TRIM59: variants seen among roughly 807,000 people sequenced by gnomAD.
TRIM59 encodes tripartite motif-containing protein 59.
A neutral mutation model predicts 32.2 loss-of-function variants in TRIM59; 14 were observed. The ratio of observed to expected loss-of-function variants is 0.43; its 90% confidence interval spans 0.29 to 0.68. The LOEUF (loss-of-function observed/expected upper bound fraction) is 0.68. Among genes scored for constraint, TRIM59 ranks in the 30% least tolerant of loss-of-function variants. The probability of loss-of-function intolerance (pLI) is 0.15; values close to 1 mark genes in which losing one functional copy is unlikely to be tolerated. For missense variants in TRIM59, 471 were observed against 463.3 expected (o/e 1.02, Z -0.15); for synonymous variants, 163 against 155.1 (o/e 1.05, Z -0.38).
At chr3:160,440,147 AT>A (rs1719167387) in intron 2 of TRIM59, among the ~76,000 whole-genome samples, 1 of 152,336 alleles carries the variant, frequency 6.6e-6, no homozygotes, top group South Asian at 2.1e-4. Context: ...CAGGATCAGC[AT>A]AGTATAATTC....
chr3:160,435,901 A>AC lies in TRIM59; in HGVS notation c.*2070_*2071insG, dbSNP rs1560021791. On this transcript the variant is annotated 3_prime_UTR_variant, in exon 3 of 3. Coordinates refer to ENST00000309784, the MANE Select transcript of TRIM59 (RefSeq NM_173084.3). Reference sequence around the variant, plus strand: ...CTTGTCAGTTCCCTCATCTACAAAAAGGGGGTTAAAAATATTCACATCACA... The same window carrying AC: ...CTTGTCAGTTCCCTCATCTACAAAAACGGGGGTTAAAAATATTCACATCACA... 2.4e-6 allele frequency: 3 copies of AC among 1,249,146 alleles called. No individual in the cohort carries two copies. The highest frequency in any genetic ancestry group is 3.1e-6 in the Non-Finnish European group (3 of 955,732). The allele number at this position is 1,249,146 out of a possible 1,614,324, so 77.4% of individuals were successfully genotyped here.
In TRIM59 at chr3:160,437,859, T is replaced by C. The variant is rs1338479244; in HGVS notation, c.*113A>G. On this transcript the variant is annotated 3_prime_UTR_variant, in exon 3 of 3. Transcript: ENST00000309784. ...AAGAAGCAACAAATATAAACATTTGTTTATATTAGTTGCAGCACTAATAAA... is the reference window on the plus strand; with the variant it reads ...AAGAAGCAACAAATATAAACATTTGCTTATATTAGTTGCAGCACTAATAAA... 7.5e-7 allele frequency: 1 copy of C among 1,333,918 alleles called. No individual in the cohort carries two copies. Among genetic ancestry groups the C allele is most frequent in the Non-Finnish European group, 9.6e-7 (1 of 1,041,254 alleles). 82.6% of individuals were successfully genotyped at this position (1,333,918 alleles called of 1,614,324 possible). A position where few individuals can be genotyped will look rare whatever the true frequency, so the allele number is the denominator to read the frequency against.
chr3:160,443,701 G>A (rs893170740), intron 2 of TRIM59, among the ~76,000 whole-genome samples: 1 of 151,870 alleles, frequency 6.6e-6, no homozygotes, highest in African/African-American at 2.4e-5. Flanking sequence ...TGCAGTGGCC[G>A]CTATCTCCTC....
Position 160,438,840 on chromosome 3 carries a change from A to G in TRIM59, c.344T>C (p.Leu115Ser). 6.2e-7 allele frequency: 1 copy of G among 1,614,022 alleles called. No homozygotes were observed. Among genetic ancestry groups the G allele is most frequent in the African/African-American group, 1.3e-5 (1 of 75,036 alleles). The change falls in exon 3 of 3, where the codon TTA becomes TCA. Residue 115 changes from leucine (L) to serine (S), a missense_variant. Leu to Ser is a moderately radical substitution (Grantham distance 145). Transcript: ENST00000309784. Reference sequence around the variant, plus strand: ...TATGGTAAGGCAATGACCACAAACTAATTTTTTATCTAATAGACAGTAAAC... The same window carrying G: ...TATGGTAAGGCAATGACCACAAACTGATTTTTTATCTAATAGACAGTAAAC... ...LNVYCLLDKK[L>S]VCGHCLTIGQ...
intron 2 of TRIM59, among the ~76,000 whole-genome samples, chr3:160,446,219 C>A (rs1719522183): frequency 1.3e-5 from 2 of 152,188 alleles, no homozygotes; most frequent in Admixed American, 1.3e-4. Flanking sequence ...GAAATCTCCT[C>A]TCCCTTGAGT....
Position 160,441,019 on chromosome 3 carries a change from GTAAC to G in TRIM59, c.-3-1837_-3-1834del, listed in dbSNP as rs1405418798. ...AAATCTGTGAAAACAGCAACTAAAAGTAACTAACTGCATTTTTAATAAAATGCAA... is the reference window on the plus strand; with the variant it reads ...AAATCTGTGAAAACAGCAACTAAAAGTAACTGCATTTTTAATAAAATGCAA... On this transcript the variant is annotated intron_variant, in intron 2 of 2. Transcript: ENST00000309784. Among the ~76,000 whole-genome samples the G allele has an allele frequency of 7.9e-5, 12 of 152,300 alleles. No homozygotes were observed. The South Asian group carries it at 1.9e-3, about 24-fold the overall frequency.
intron 2 of TRIM59, among the ~76,000 whole-genome samples, chr3:160,445,773 CAAAA>C (rs75175042): frequency 2.2e-5 from 2 of 90,890 alleles, no homozygotes; most frequent in Admixed American, 1.2e-4. Flanking sequence ...GACTCTGTCT[CAAAA>C]AAAAAAAAAA....
chr3:160,437,540 TATC>T lies in TRIM59; in HGVS notation c.*429_*431del, dbSNP rs2108513903. On this transcript the variant is annotated 3_prime_UTR_variant, in exon 3 of 3. Transcript: ENST00000309784. ...TTGTTGCTTGATTTTGAAACCTTTC[TATC>T]ATCCTTATTCACCCATTCAAAAGCT... The T allele has an allele frequency of 3.0e-6, 3 of 986,020 alleles. No individual in the cohort carries two copies. Among genetic ancestry groups the T allele is most frequent in the Non-Finnish European group, 3.6e-6 (3 of 830,354 alleles). The allele number at this position is 986,020 out of a possible 1,614,324, so 61.1% of individuals were successfully genotyped here.
In TRIM59 at chr3:160,441,910, G is replaced by A. The variant is rs1577015372; in HGVS notation, c.-3-2724C>T. On this transcript the variant is annotated intron_variant, in intron 2 of 2. Coordinates refer to ENST00000309784, the MANE Select transcript of TRIM59 (RefSeq NM_173084.3). Reference sequence around the variant, plus strand: ...GTAATTGAGCAACAGTAAAGAAGATGACATTCACTGCAGATAAATTCAAGT... The same window carrying A: ...GTAATTGAGCAACAGTAAAGAAGATAACATTCACTGCAGATAAATTCAAGT... 2.0e-5 allele frequency among the ~76,000 whole-genome samples: 3 copies of A among 152,262 alleles called. No individual in the cohort carries two copies. In the East Asian group the frequency reaches 5.8e-4, roughly 29 times the overall value.
chr3:160,449,369 G>A, intron 1 of TRIM59: 2 of 578,156 alleles, frequency 3.5e-6, no homozygotes, highest in South Asian at 2.5e-5. Context: ...CCTTCTCAAA[G>A]CTCCACTCTC....
rs145272486 is a variant in TRIM59, at chr3:160,435,525, T to C, written c.*2447A>G. On this transcript the variant is annotated 3_prime_UTR_variant, in exon 3 of 3. Transcript: ENST00000309784. ...AAATAAAATATCAAAAGAAGTTTAT[T>C]AAAATACATATTTTGTTATACATAA... 310 of 167,024 alleles carry C rather than the reference T, an allele frequency of 1.9e-3. 1 individual carries two copies. The highest frequency in any genetic ancestry group is 7.0e-3 in the South Asian group (49 of 6,970). 10.3% of individuals were successfully genotyped at this position (167,024 alleles called of 1,614,324 possible).
At chr3:160,445,911 TCAAA>T (rs1017787657) in intron 2 of TRIM59, among the ~76,000 whole-genome samples, 23 of 152,144 alleles carry the variant, frequency 1.5e-4, no homozygotes, top group Middle Eastern at 3.4e-3. Context: ...CTTCCCAGGC[TCAAA>T]CAATCCTCCC....
intron 2 of TRIM59, among the ~76,000 whole-genome samples, chr3:160,444,775 C>T (rs1251425759): frequency 6.6e-6 from 1 of 152,212 alleles, no homozygotes; most frequent in Non-Finnish European, 1.5e-5. Context: ...CAAGGAGTTT[C>T]CAGACACATG....
intron 1 of TRIM59, 50 bp from the exon 2 acceptor site, chr3:160,448,845 G>T: frequency 9.7e-7 from 1 of 1,029,598 alleles, no homozygotes; most frequent in Non-Finnish European, 1.3e-6. Flanking sequence ...ATTGTCTCAT[G>T]TCATAAAAAT....
intron 1 of TRIM59, 88 bp downstream of exon 1, chr3:160,449,629 A>AC (rs1719719027): frequency 1.6e-6 from 2 of 1,289,528 alleles, no homozygotes; most frequent in African/African-American, 3.0e-5. Flanking sequence ...TCCCCGCCCA[A>AC]CACACTAGGC....
rs754455288 is a variant in TRIM59, at chr3:160,438,702, G to C, written c.482C>G (p.Thr161Ser). The C allele has an allele frequency of 6.2e-7, 1 of 1,613,718 alleles. No individual in the cohort carries two copies. Among genetic ancestry groups the C allele is most frequent in the Admixed American group, 1.7e-5 (1 of 59,966 alleles). Residue 161 changes from threonine (T) to serine (S), a missense_variant, in exon 3 of 3, where the codon ACC (threonine) becomes AGC (serine). Coordinates refer to ENST00000309784, the MANE Select transcript of TRIM59 (RefSeq NM_173084.3). Reference sequence around the variant, plus strand: ...TTCTTTCAGCTTTTCAATAAGATGGGTAAGATCTGTCCAGTGTGTGTCAGT... The same window carrying C: ...TTCTTTCAGCTTTTCAATAAGATGGCTAAGATCTGTCCAGTGTGTGTCAGT... Reference protein sequence around the residue: ...QLTDTHWTDLTHLIEKLKEQK... With the variant: ...QLTDTHWTDLSHLIEKLKEQK...
Position 160,449,751 on chromosome 3 carries a change from A to G in TRIM59, c.-108T>C. On this transcript the variant is annotated 5_prime_UTR_variant, in exon 1 of 3. Transcript: ENST00000309784. ...GAAGCGGACCAGGCAACTCCACAGCACGGAAACACAGCGCCACGAGCTCCA... is the reference window on the plus strand; with the variant it reads ...GAAGCGGACCAGGCAACTCCACAGCGCGGAAACACAGCGCCACGAGCTCCA... 2.3e-6 allele frequency: 3 copies of G among 1,287,942 alleles called. No homozygotes were observed. The highest frequency in any genetic ancestry group is 3.0e-6 in the Non-Finnish European group (3 of 987,168). 79.8% of individuals were successfully genotyped at this position (1,287,942 alleles called of 1,614,324 possible).
chr3:160,437,667 AAG>A lies in TRIM59; in HGVS notation c.*303_*304del. 1.9e-6 allele frequency: 2 copies of A among 1,028,768 alleles called. No individual in the cohort carries two copies. The highest frequency in any genetic ancestry group is 2.3e-6 in the Non-Finnish European group (2 of 858,674). The allele number at this position is 1,028,768 out of a possible 1,614,324, so 63.7% of individuals were successfully genotyped here. ...TAACTGCAGTATATAATAATGGTAA[AAG>A]ACAATATTGGTACAAGAATGTTTAA... On this transcript the variant is annotated 3_prime_UTR_variant, in exon 3 of 3. Transcript: ENST00000309784.
intron 2 of TRIM59, among the ~76,000 whole-genome samples, chr3:160,442,217 T>C (rs1298512783): frequency 6.6e-6 from 1 of 152,200 alleles, no homozygotes; most frequent in Non-Finnish European, 1.5e-5. Context: ...ACCCCTATTC[T>C]ATGCTTGCAG....
Sources: allele counts gnomAD v4.1 joint callset (sites outside exome capture counted in the v4.1 genomes callset), GRCh38; gene constraint gnomAD v4.1.1; transcripts MANE v1.5; gene names NCBI Gene and HGNC (gene_info 2026-07-23, HGNC 2026-07-21).